EIF3H: variants seen among roughly 807,000 people sequenced by gnomAD.
EIF3H encodes eIF-3-gamma.
In EIF3H, 26 loss-of-function variants were observed where a neutral mutation model predicts 44.2. The ratio of observed to expected loss-of-function variants is 0.59; its 90% CI spans 0.43 to 0.82. The LOEUF is 0.82. Among genes scored for constraint, EIF3H ranks in the 40% least tolerant of loss-of-function variants. The pLI, the probability that EIF3H is intolerant of heterozygous loss-of-function variation, is 0.00. For synonymous variants in EIF3H, 166 were observed against 151.9 expected, an observed-to-expected ratio of 1.09 and a Z score of -0.68; for missense variants, 359 against 432.8, an observed-to-expected ratio of 0.83 and a Z score of 1.51.
chr8:116,764,791 T>C (rs1198818761), intron 1 of EIF3H, among the ~76,000 whole-genome samples: 3 of 152,228 alleles, frequency 2.0e-5, no homozygotes, highest in Non-Finnish European at 4.4e-5. Flanking sequence ...AGTTCTGGTA[T>C]TACAGGCATG....
In EIF3H at chr8:116,738,217, T is replaced by C. The variant is rs534055481; in HGVS notation, c.133-12045A>G. 5.0e-4 allele frequency among the ~76,000 whole-genome samples: 76 copies of C among 152,268 alleles called. 1 individual carries two copies. In the South Asian group the frequency reaches 0.014, roughly 29 times the overall value. ...ATTTGCTATGTGGAGTTTCACAAAA[T>C]AGAACAAACTAACGTTTCATTTTTT... On this transcript the variant is annotated intron_variant, in intron 1 of 7. Transcript: ENST00000521861.
rs1814829890 is a variant in EIF3H, at chr8:116,726,004, G to A, written c.289+12C>T. 5.0e-6 allele frequency: 8 copies of A among 1,610,492 alleles called. No individual in the cohort carries two copies. The highest frequency in any genetic ancestry group is 2.7e-5 in the African/African-American group (2 of 74,812). ...TGCACTGCAAAGACACACTTGTGAT[G>A]AACACCCTTACCTTCATCAAAGTCA... On this transcript the variant is annotated intron_variant, in intron 2 of 7. Coordinates refer to ENST00000521861, the MANE Select transcript of EIF3H (RefSeq NM_003756.3).
intron 2 of EIF3H, among the ~76,000 whole-genome samples, chr8:116,704,022 G>A (rs1240489121): frequency 6.6e-6 from 1 of 152,192 alleles, no homozygotes; most frequent in African/African-American, 2.4e-5. Flanking sequence ...GGGGGCTGGG[G>A]ACTCCTGCCT....
At chr8:116,663,419 C>A (rs1478732465) in intron 2 of EIF3H, among the ~76,000 whole-genome samples, 1 of 152,164 alleles carries the variant, frequency 6.6e-6, no homozygotes, top group Non-Finnish European at 1.5e-5. Context: ...GCAATTTCAA[C>A]TAATGACATT....
At chr8:116,759,754 G>A (rs116433059), upstream of EIF3H, among the ~76,000 whole-genome samples, 164 of 152,114 alleles carry the variant, frequency 1.1e-3, 1 homozygote, top group African/African-American at 3.5e-3. Context: ...CATGCTTGCC[G>A]TGTCTTACTT....
At chr8:116,665,732 TG>T (rs1813655102) in intron 2 of EIF3H, among the ~76,000 whole-genome samples, 2 of 152,218 alleles carry the variant, frequency 1.3e-5, no homozygotes, top group African/African-American at 4.8e-5. Context: ...CACTAGGCTG[TG>T]AACAGTGAAG....
intron 1 of EIF3H, among the ~76,000 whole-genome samples, chr8:116,753,678 C>G (rs945999319): frequency 6.6e-6 from 1 of 152,198 alleles, no homozygotes; most frequent in African/African-American, 2.4e-5. Flanking sequence ...GTGATCCAGT[C>G]CATCTCCACC....
chr8:116,693,652 C>G (rs897919773), intron 2 of EIF3H, among the ~76,000 whole-genome samples: 8 of 152,092 alleles, frequency 5.3e-5, no homozygotes, highest in South Asian at 2.1e-4. Context: ...CTCTCTCATA[C>G]AGAGGTAACC....
chr8:116,720,153 C>T (rs1318741281), intron 2 of EIF3H, among the ~76,000 whole-genome samples: 1 of 152,020 alleles, frequency 6.6e-6, no homozygotes, highest in South Asian at 2.1e-4. Flanking sequence ...AATACAATGC[C>T]TATTTTTATT....
At chr8:116,705,661 A>T (rs1814457263) in intron 2 of EIF3H, among the ~76,000 whole-genome samples, 1 of 152,174 alleles carries the variant, frequency 6.6e-6, no homozygotes, top group Admixed American at 6.5e-5. Flanking sequence ...AAAACTGCCT[A>T]GATGGTGGGA....
chr8:116,650,958 T>C (rs1813380421), intron 5 of EIF3H, among the ~76,000 whole-genome samples: 3 of 152,104 alleles, frequency 2.0e-5, no homozygotes, highest in South Asian at 2.1e-4. Context: ...ATATCCAGAA[T>C]AGGCAAATCT....
chr8:116,699,796 T>A (rs4876672), intron 2 of EIF3H, among the ~76,000 whole-genome samples: 82,671 of 145,696 alleles, frequency 0.57, 24,461 homozygotes, highest in Non-Finnish European at 0.68. Context: ...ACAGTGCAGG[T>A]TTTTTGGTTT....
intron 2 of EIF3H, among the ~76,000 whole-genome samples, chr8:116,708,254 TA>T (rs1256227808): frequency 6.6e-6 from 1 of 152,008 alleles, no homozygotes; most frequent in African/African-American, 2.4e-5. Flanking sequence ...GGCACATGAA[TA>T]AAAGTACAAA....
At chr8:116,743,466 AG>A (rs1465491596) in intron 1 of EIF3H, among the ~76,000 whole-genome samples, 1 of 148,864 alleles carries the variant, frequency 6.7e-6, no homozygotes, top group African/African-American at 2.5e-5. Flanking sequence ...ATAATAGGCC[AG>A]GCACAGTGGC....
rs77156208 is a variant in EIF3H, at chr8:116,742,746, T to C, written c.132+12920A>G. On this transcript the variant is annotated intron_variant, in intron 1 of 7. Transcript: ENST00000521861. ...GCTAAGGTAAGTGCAGAAGGAAACATGTATAAAGCAACTATGATTGCCTCT... is the reference window on the plus strand; with the variant it reads ...GCTAAGGTAAGTGCAGAAGGAAACACGTATAAAGCAACTATGATTGCCTCT... Among the ~76,000 whole-genome samples the C allele has an allele frequency of 4.7e-4, 72 of 152,308 alleles. No homozygotes were observed. The East Asian group carries it at 0.01, about 22-fold the overall frequency.
chr8:116,664,294 A>G (rs1203456682), intron 2 of EIF3H, among the ~76,000 whole-genome samples: 2 of 152,210 alleles, frequency 1.3e-5, no homozygotes, highest in Non-Finnish European at 2.9e-5. Flanking sequence ...CATCAGCCAC[A>G]TTTGTTGGGC....
At chr8:116,708,207 A>C (rs1814504528) in intron 2 of EIF3H, among the ~76,000 whole-genome samples, 1 of 152,094 alleles carries the variant, frequency 6.6e-6, no homozygotes, top group Non-Finnish European at 1.5e-5. Flanking sequence ...CAACAATATA[A>C]CAGAGTACTC....
chr8:116,716,692 C>T (rs1814663502), intron 2 of EIF3H, among the ~76,000 whole-genome samples: 1 of 151,948 alleles, frequency 6.6e-6, no homozygotes, highest in Non-Finnish European at 1.5e-5. Flanking sequence ...TGGTCTCAGC[C>T]ACAACTACTC....
intron 1 of EIF3H, among the ~76,000 whole-genome samples, chr8:116,737,045 G>A (rs1458787376): frequency 2.0e-5 from 3 of 152,050 alleles, no homozygotes; most frequent in Non-Finnish European, 2.9e-5. Flanking sequence ...GCCTGTTTAC[G>A]TAAAACAAAT....
Sources: allele counts gnomAD v4.1 joint callset (sites outside exome capture counted in the v4.1 genomes callset), GRCh38; gene constraint gnomAD v4.1.1; transcripts MANE v1.5; gene names NCBI Gene and HGNC (gene_info 2026-07-23, HGNC 2026-07-21).